PTCD3: variants seen among roughly 807,000 people sequenced by gnomAD.
The protein encoded by PTCD3 is small ribosomal subunit protein mS39.
In PTCD3, 89 loss-of-function variants were observed where a neutral mutation model predicts 101.9. That is an observed-to-expected ratio of 0.87 (90% CI 0.74 to 1.04). PTCD3 has a LOEUF of 1.04. PTCD3 is among the 50% of genes least tolerant of loss of function. PTCD3 has a pLI of 0.00. For synonymous variants in PTCD3, 296 were observed against 278.5 expected (o/e 1.06, Z -0.63); for missense variants, 870 against 828.2 (o/e 1.05, Z -0.62).
chr2:86,136,770 A>T, intron 22 of PTCD3: 1 of 803,070 alleles, frequency 1.2e-6, no homozygotes, highest in Non-Finnish European at 2.0e-6. Context: ...TGAATAGATC[A>T]TCATGAAGTC....
At chr2:86,129,189 A>T (rs1674452316) in intron 14 of PTCD3, among the ~76,000 whole-genome samples, 1 of 152,192 alleles carries the variant, frequency 6.6e-6, no homozygotes, top group African/African-American at 2.4e-5. Context: ...TGAGATTGTG[A>T]TGGAGCTAGT....
intron 1 of PTCD3, among the ~76,000 whole-genome samples, chr2:86,108,016 C>G (rs569795365): frequency 1.3e-5 from 2 of 152,038 alleles, no homozygotes; most frequent in South Asian, 4.1e-4. Flanking sequence ...GTCCTAGTTA[C>G]TCAGGAGGCT....
intron 15 of PTCD3, 168 bp downstream of exon 15, chr2:86,130,905 G>T: frequency 2.1e-6 from 3 of 1,449,930 alleles, no homozygotes; most frequent in Non-Finnish European, 9.1e-7. Context: ...ATTTGCCATG[G>T]TCTTTCTGAG....
chr2:86,137,027 C>T lies in PTCD3; in HGVS notation c.1866C>T (p.Asn622=). 1.2e-6 allele frequency: 2 copies of T among 1,613,854 alleles called. No individual in the cohort carries two copies. The highest frequency in any genetic ancestry group is 1.7e-6 in the Non-Finnish European group (2 of 1,179,924). Residue 622 remains asparagine (N), a synonymous_variant, in exon 23 of 24, where the codon AAC becomes AAT. Transcript: ENST00000254630. ...NELMDSAKVS[N]SPSQAIEVVE... is the part of the protein sequence containing the mutation. Reference sequence around the variant, plus strand: ...TTATGGACAGTGCAAAAGTGTCTAACAGCCCTTCCCAGGCCATTGAAGTAG... The same window carrying T: ...TTATGGACAGTGCAAAAGTGTCTAATAGCCCTTCCCAGGCCATTGAAGTAG...
At chr2:86,118,579 A>G (rs1375234731) in intron 6 of PTCD3, among the ~76,000 whole-genome samples, 2 of 152,232 alleles carry the variant, frequency 1.3e-5, no homozygotes, top group Non-Finnish European at 2.9e-5. Flanking sequence ...GAAGGTAGAG[A>G]ATGCCTTTCG....
At chr2:86,122,434 CAG>C (rs1674300180) in intron 8 of PTCD3, among the ~76,000 whole-genome samples, 1 of 152,176 alleles carries the variant, frequency 6.6e-6, no homozygotes, top group Non-Finnish European at 1.5e-5. Flanking sequence ...CCCTCAGAGA[CAG>C]GGTCTCACTC....
rs751581320 is a variant in PTCD3, at chr2:86,134,928, C to T, written c.1719C>T (p.Ala573=). ...PIRQTAQDWP[A]TSLNCIAILF... is the part of the protein sequence containing the mutation. ...GACAGACTGCTCAGGATTGGCCAGC[C>T]ACCTCTCTCAACTGTATAGCTATCC... is the stretch of plus-strand genomic sequence containing the variant. The change falls in exon 21 of 24, where the codon GCC becomes GCT. Residue 573 remains alanine, a synonymous_variant. Coordinates refer to ENST00000254630, the MANE Select transcript of PTCD3 (RefSeq NM_017952.6). The T allele has an allele frequency of 6.2e-7, 1 of 1,614,140 alleles. No homozygotes were observed.
rs1158504979 is a variant in PTCD3, at chr2:86,128,722, CT to C, written c.1147+732del. ...GGTCAGTTCCAGTGGGAGCTCTGCT[CT>C]GTAGTAGATGGACTTTGAAGAGAGA... is the stretch of plus-strand genomic sequence containing the variant. On this transcript the variant is annotated intron_variant, in intron 14 of 23. Transcript: ENST00000254630. 2.0e-5 allele frequency among the ~76,000 whole-genome samples: 3 copies of C among 152,296 alleles called. No individual in the cohort carries two copies. In the East Asian group the frequency reaches 5.8e-4, roughly 29 times the overall value.
intron 21 of PTCD3, 63 bp downstream of exon 21, chr2:86,135,050 C>G: frequency 6.6e-7 from 1 of 1,510,320 alleles, no homozygotes. Flanking sequence ...AAACATTGGC[C>G]CACGCTGGTA....
chr2:86,136,620 A>AT, intron 22 of PTCD3, 58 bp downstream of exon 22: 3 of 1,550,564 alleles, frequency 1.9e-6, no homozygotes, highest in Non-Finnish European at 1.8e-6. Context: ...CACATTTGGA[A>AT]TTTCTTCACC....
In PTCD3 at chr2:86,136,496, A is replaced by T. The variant is rs556620977; in HGVS notation, c.1779-25A>T. 3.0e-4 allele frequency: 477 copies of T among 1,591,542 alleles called. 6 individuals carry two copies. The South Asian group carries it at 4.9e-3, about 16-fold the overall frequency. On this transcript the variant is annotated intron_variant, in intron 21 of 23. Transcript: ENST00000254630. The stretch of plus-strand genomic sequence containing the variant: ...TTGCCTTGTTTTTCTAATAGTATTC[A>T]TAATCTTTTTCCTTTCTTGAGCAGG...
chr2:86,134,106 A>G (rs1430799057), intron 19 of PTCD3, among the ~76,000 whole-genome samples, 186 bp from the exon 20 acceptor site: 1 of 152,248 alleles, frequency 6.6e-6, no homozygotes, highest in African/African-American at 2.4e-5. Flanking sequence ...TCACTGGAGC[A>G]AGGCCCAGGC....
At chr2:86,115,482 C>T (rs1674161424) in intron 4 of PTCD3, among the ~76,000 whole-genome samples, 1 of 152,080 alleles carries the variant, frequency 6.6e-6, no homozygotes, top group Non-Finnish European at 1.5e-5. Context: ...TAAGGTGAGG[C>T]TCAAGGGAAA....
At chr2:86,136,486 A>C in intron 21 of PTCD3, 35 bp from the exon 22 acceptor site, 3 of 1,575,184 alleles carry the variant, frequency 1.9e-6, no homozygotes, top group Non-Finnish European at 2.6e-6. Flanking sequence ...TTGTTTTTCT[A>C]ATAGTATTCA....
intron 16 of PTCD3, 120 bp from the exon 17 acceptor site, chr2:86,132,198 G>A (rs7595456): frequency 1.1e-4 from 64 of 581,338 alleles, no homozygotes; most frequent in East Asian, 9.0e-4. Context: ...CTTACTTGCT[G>A]TCAACCAATA....
chr2:86,134,730 T>G lies in PTCD3; in HGVS notation c.1630-109T>G, dbSNP rs147200089. ...CTTGTGTGCTATACACATAATATAT[T>G]CAAATGGTAAAATGCATTGCTCAGA... On this transcript the variant is annotated intron_variant, in intron 20 of 23. Transcript: ENST00000254630. 9.3e-5 allele frequency: 118 copies of G among 1,271,870 alleles called. No homozygotes were observed. The East Asian group carries it at 2.5e-3, about 26-fold the overall frequency. The allele number at this position is 1,271,870 out of a possible 1,614,324, so 78.8% of individuals were successfully genotyped here. A position where few individuals can be genotyped will look rare whatever the true frequency, so the allele number is the denominator to read the frequency against.
chr2:86,120,093 C>G (rs749638501), intron 7 of PTCD3, among the ~76,000 whole-genome samples: 1 of 152,196 alleles, frequency 6.6e-6, no homozygotes, highest in Non-Finnish European at 1.5e-5. Context: ...TGGCTTGGTA[C>G]AGCATCAGAT....
At chr2:86,115,732 A>C (rs978167762) in intron 4 of PTCD3, among the ~76,000 whole-genome samples, 3 of 152,208 alleles carry the variant, frequency 2.0e-5, no homozygotes, top group Admixed American at 6.5e-5. Flanking sequence ...GGCATTTCTC[A>C]GTGGGGCCCC....
At chr2:86,124,819 G>A (rs1674354111) in intron 9 of PTCD3, among the ~76,000 whole-genome samples, 176 bp from the exon 10 acceptor site, 1 of 152,152 alleles carries the variant, frequency 6.6e-6, no homozygotes, top group Non-Finnish European at 1.5e-5. Context: ...AGATCGTTAA[G>A]TCTTGATTTT....
Sources: gnomAD v4.1 joint callset for allele counts (sites outside exome capture counted in the v4.1 genomes callset) on GRCh38, gnomAD v4.1.1 for gene constraint, MANE v1.5 for transcripts, NCBI Gene and HGNC (gene_info 2026-07-23, HGNC 2026-07-21) for gene names.